Variants in SMOC1 observed in about 807,000 individuals in gnomAD.
The protein encoded by SMOC1 is SPARC related modular calcium binding 1.
A neutral mutation model predicts 56.3 loss-of-function variants in SMOC1; 22 were observed. The observed-to-expected ratio is 0.39, with a 90% CI of 0.28 to 0.56. SMOC1 has a LOEUF of 0.56. Among genes scored for constraint, SMOC1 ranks in the 20% least tolerant of loss-of-function variants. The pLI is 0.61. For missense variants in SMOC1, 509 were observed against 565.4 expected, an observed-to-expected ratio of 0.90 and a Z score of 1.01; for synonymous variants, 193 against 215.0, an observed-to-expected ratio of 0.90 and a Z score of 0.89.
At chr14:69,912,474 A>T (rs1884578960) in intron 1 of SMOC1, among the ~76,000 whole-genome samples, 1 of 152,224 alleles carries the variant, frequency 6.6e-6, no homozygotes, top group African/African-American at 2.4e-5. Flanking sequence ...CCGGTCTCTA[A>T]CTACTGGCCT....
intron 1 of SMOC1, among the ~76,000 whole-genome samples, chr14:69,923,943 C>T (rs1039143127): frequency 5.9e-5 from 9 of 151,692 alleles, no homozygotes; most frequent in South Asian, 4.2e-4. Context: ...GTCCCCTGGT[C>T]GGGCTGCCTT....
intron 5 of SMOC1, among the ~76,000 whole-genome samples, chr14:69,989,967 G>A (rs1884503749): frequency 6.6e-6 from 1 of 152,246 alleles, no homozygotes; most frequent in South Asian, 2.1e-4. Flanking sequence ...ATTCCTGGCA[G>A]CAGGGCATCT....
intron 1 of SMOC1, among the ~76,000 whole-genome samples, chr14:69,922,905 G>A (rs960644310): frequency 6.6e-6 from 1 of 151,730 alleles, no homozygotes; most frequent in African/African-American, 2.4e-5. Flanking sequence ...TCTCCCAGGG[G>A]TGGTCCTAGA....
chr14:69,970,340 C>T (rs575585387), intron 3 of SMOC1, among the ~76,000 whole-genome samples: 1 of 152,218 alleles, frequency 6.6e-6, no homozygotes, highest in Non-Finnish European at 1.5e-5. Flanking sequence ...GAGCCAACTA[C>T]TACTCTGTCT....
intron 5 of SMOC1, among the ~76,000 whole-genome samples, chr14:69,980,899 C>A (rs1042375954): frequency 1.3e-5 from 2 of 152,106 alleles, no homozygotes; most frequent in African/African-American, 2.4e-5. Context: ...CGGGACCCAG[C>A]CTTCTCTTTC....
intron 5 of SMOC1, among the ~76,000 whole-genome samples, chr14:69,991,841 G>A (rs1006842853): frequency 2.6e-5 from 4 of 152,186 alleles, no homozygotes; most frequent in Non-Finnish European, 5.9e-5. Flanking sequence ...CCGTGTGCTG[G>A]AGAGAGAATG....
intron 10 of SMOC1, among the ~76,000 whole-genome samples, chr14:70,014,853 C>A (rs1443316239): frequency 6.6e-6 from 1 of 152,176 alleles, no homozygotes; most frequent in African/African-American, 2.4e-5. Flanking sequence ...AGAGAACAAG[C>A]CTAGGCCTTG....
At chr14:69,957,931 C>T (rs34833758) in intron 3 of SMOC1, among the ~76,000 whole-genome samples, 50,717 of 151,912 alleles carry the variant, frequency 0.33, 8,755 homozygotes, top group East Asian at 0.39. Context: ...GGAGTTTACA[C>T]GCAGAAAAGA....
chr14:69,977,881 C>G, intron 4 of SMOC1, 37 bp from the exon 5 acceptor site: 2 of 1,599,536 alleles, frequency 1.3e-6, no homozygotes, highest in Non-Finnish European at 1.7e-6. Flanking sequence ...ACAATGCATT[C>G]TGAGTGGCTA....
At chr14:69,939,082 G>A (rs1882452071) in intron 1 of SMOC1, among the ~76,000 whole-genome samples, 3 of 152,100 alleles carry the variant, frequency 2.0e-5, no homozygotes, top group African/African-American at 4.8e-5. Flanking sequence ...ACTCTCCGTC[G>A]GACTCTGGGC....
intron 1 of SMOC1, among the ~76,000 whole-genome samples, chr14:69,890,524 C>G (rs542697270): frequency 1.3e-5 from 2 of 152,002 alleles, no homozygotes; most frequent in Non-Finnish European, 2.9e-5. Context: ...AATCTTAGAG[C>G]AAAATAATAA....
chr14:69,886,685 A>G (rs1883819034), intron 1 of SMOC1, among the ~76,000 whole-genome samples: 1 of 152,158 alleles, frequency 6.6e-6, no homozygotes, highest in South Asian at 2.1e-4. Context: ...TGACTAGCCC[A>G]TCCCAGCATC....
intron 5 of SMOC1, among the ~76,000 whole-genome samples, chr14:69,984,191 A>G (rs79985136): frequency 0.11 from 15,994 of 152,270 alleles, 983 homozygotes; most frequent in Non-Finnish European, 0.13. Flanking sequence ...GTGCTCTAGC[A>G]ATTGGACATC....
rs1566718686 is a variant in SMOC1 at position 70,031,829 on chromosome 14, A to T, written c.*1571A>T. 1 of 152,424 alleles carries T rather than the reference A, an allele frequency of 6.6e-6. No homozygotes were observed. The highest frequency in any genetic ancestry group is 1.5e-5 in the Non-Finnish European group (1 of 68,226). The allele number at this position is 152,424 out of a possible 1,614,324, so 9.4% of individuals were successfully genotyped here. A position where few individuals can be genotyped will look rare whatever the true frequency, so the allele number is the denominator to read the frequency against. The stretch of plus-strand genomic sequence containing the variant: ...AGTGAGGGAGGTTGGGTAGCCCTGG[A>T]CTGGTCCCCTCCTCAGATCACCCTT... On this transcript the variant is annotated 3_prime_UTR_variant, in exon 12 of 12. Coordinates refer to ENST00000361956, the MANE Select transcript of SMOC1 (RefSeq NM_001034852.3).
At chr14:69,956,179 C>A (rs1487785025) in intron 3 of SMOC1, among the ~76,000 whole-genome samples, 1 of 152,082 alleles carries the variant, frequency 6.6e-6, no homozygotes, top group African/African-American at 2.4e-5. Flanking sequence ...AGTCAAGAAC[C>A]CCCTCATTTG....
chr14:69,930,429 T>A (rs545261900), intron 1 of SMOC1, among the ~76,000 whole-genome samples: 3 of 152,292 alleles, frequency 2.0e-5, no homozygotes, highest in African/African-American at 7.2e-5. Flanking sequence ...GAGTCCTCTT[T>A]TGTGCAACAT....
intron 1 of SMOC1, among the ~76,000 whole-genome samples, chr14:69,922,614 C>G (rs1382150754): frequency 6.6e-6 from 1 of 152,120 alleles, no homozygotes; most frequent in Non-Finnish European, 1.5e-5. Context: ...CATGCAGCAC[C>G]CTGGGCCCCC....
At chr14:69,982,975 G>C (rs1038038638) in intron 5 of SMOC1, among the ~76,000 whole-genome samples, 1 of 152,214 alleles carries the variant, frequency 6.6e-6, no homozygotes, top group East Asian at 1.9e-4. Context: ...CCTCCACCAA[G>C]CCTGGAATGT....
chr14:69,945,642 G>A (rs1566683557), intron 1 of SMOC1, among the ~76,000 whole-genome samples: 1 of 152,174 alleles, frequency 6.6e-6, no homozygotes, highest in Non-Finnish European at 1.5e-5. Context: ...CTAAGTTTAG[G>A]GGTGATTTGT....
Sources: allele counts gnomAD v4.1 joint callset (sites outside exome capture counted in the v4.1 genomes callset), GRCh38; gene constraint gnomAD v4.1.1; transcripts MANE v1.5; gene names NCBI Gene and HGNC (gene_info 2026-07-23, HGNC 2026-07-21).